The following OR10A7 variants were observed in gnomAD, a reference collection of about 807,000 sequenced individuals.
OR10A7 encodes olfactory receptor 10A7.
For synonymous variants in OR10A7, 151 were observed against 137.2 expected, an observed-to-expected ratio of 1.10 and a Z score of -0.70; for missense variants, 434 against 383.6, an observed-to-expected ratio of 1.13 and a Z score of -1.10.
chr12:55,221,780 C>G lies in OR10A7; in HGVS notation c.756C>G (p.Tyr252Ter), dbSNP rs144769420. Reference sequence around the variant, plus strand: ...ACCTCATTGTGGTGTCCCTCTTCTACGGAACAGCCAGTCTGACCTACCTGC... The same window carrying G: ...ACCTCATTGTGGTGTCCCTCTTCTAGGGAACAGCCAGTCTGACCTACCTGC... Reference protein sequence around the residue: ...SSHLIVVSLFYGTASLTYLRP... With the variant: ...SSHLIVVSLF Residue 252 changes from tyrosine to a stop codon, truncating the protein, a stop_gained, in exon 1 of 1, where the codon TAC becomes TAG. Transcript: ENST00000326258. LOFTEE classifies it low-confidence loss of function (END_TRUNC). 2 of 1,613,796 alleles carry G rather than the reference C, an allele frequency of 1.2e-6. No individual in the cohort carries two copies. The highest frequency in any genetic ancestry group is 1.7e-6 in the Non-Finnish European group (2 of 1,179,870).
rs373891967 is a variant in OR10A7 at position 55,221,204 on chromosome 12, C to T, written c.180C>T (p.Tyr60=). 5.3e-6 allele frequency: 8 copies of T among 1,504,930 alleles called. No individual in the cohort carries two copies. In the African/African-American group the frequency reaches 8.3e-5, roughly 16 times the overall value. The allele number at this position is 1,504,930 out of a possible 1,614,324, so 93.2% of individuals were successfully genotyped here. A position where few individuals can be genotyped will look rare whatever the true frequency, so the allele number is the denominator to read the frequency against. ...SVDLALQTPM[Y]FFLQNLSLLE... ...ATCTCGCACTTCAAACACCCATGTA[C>T]TTCTTTCTTCAAAATCTGTCACTTC... The change falls in exon 1 of 1, where the codon TAC becomes TAT. Residue 60 remains tyrosine, a synonymous_variant. Coordinates refer to ENST00000326258, the MANE Select transcript of OR10A7 (RefSeq NM_001005280.1).
Position 55,221,088 on chromosome 12 carries a change from G to A in OR10A7, c.64G>A (p.Glu22Lys), listed in dbSNP as rs765788350. The change falls in exon 1 of 1, where the codon GAG becomes AAG. Residue 22 changes from glutamate (E) to lysine (K), a missense_variant. Glu to Lys is a moderately conservative substitution (Grantham distance 56). Coordinates refer to ENST00000326258, the MANE Select transcript of OR10A7 (RefSeq NM_001005280.1). ...TCTTCTTGGTTTTACAAACAACCCC[G>A]AGATGCAAGTTTCCCTCTTTATTTT... ...FILLGFTNNP[E>K]MQVSLFIFFL... 18 of 1,613,668 alleles carry A rather than the reference G, an allele frequency of 1.1e-5. No homozygotes were observed. The highest frequency in any genetic ancestry group is 3.3e-5 in the South Asian group (3 of 91,078).
rs777368403 is a variant in OR10A7, at chr12:55,221,632, C to T, written c.608C>T (p.Thr203Ile). 1.9e-6 allele frequency: 3 copies of T among 1,613,806 alleles called. No homozygotes were observed. The highest frequency in any genetic ancestry group is 1.3e-5 in the African/African-American group (1 of 75,024). Reference sequence around the variant, plus strand: ...TATGAAATGCAAGCACTTGCCTCCACACTCCTGTTTATCATGTTTCCCTTT... The same window carrying T: ...TATGAAATGCAAGCACTTGCCTCCATACTCCTGTTTATCATGTTTCCCTTT... The part of the protein sequence containing the change: ...TMYEMQALAS[T>I]LLFIMFPFCL... The change falls in exon 1 of 1, where the codon ACA (threonine) becomes ATA (isoleucine). Residue 203 changes from threonine (T) to isoleucine (I), a missense_variant. Coordinates refer to ENST00000326258, the MANE Select transcript of OR10A7 (RefSeq NM_001005280.1).
rs1954119247 is a variant in OR10A7, at chr12:55,221,678, C to T, written c.654C>T (p.Tyr218=). ...MFPFCLILVS[Y]TRIIITILRM... ...CCTTTTGTCTCATTTTGGTTTCCTACACCCGCATTATCATAACAATTCTGA... is the reference window on the plus strand; with the variant it reads ...CCTTTTGTCTCATTTTGGTTTCCTATACCCGCATTATCATAACAATTCTGA... Residue 218 remains tyrosine (Y), a synonymous_variant, in exon 1 of 1, where the codon TAC becomes TAT. Transcript: ENST00000326258. 2.5e-6 allele frequency: 4 copies of T among 1,613,710 alleles called. No individual in the cohort carries two copies. Among genetic ancestry groups the T allele is most frequent in the Non-Finnish European group, 3.4e-6 (4 of 1,179,874 alleles).
rs1954121304 is a variant in OR10A7, at chr12:55,221,882, C to A, written c.858C>A (p.Asn286Lys). 6.2e-7 allele frequency: 1 copy of A among 1,613,584 alleles called. No homozygotes were observed. Among genetic ancestry groups the A allele is most frequent in the Non-Finnish European group, 8.5e-7 (1 of 1,179,724 alleles). The change falls in exon 1 of 1, where the codon AAC becomes AAA. Residue 286 changes from asparagine to lysine, a missense_variant. Coordinates refer to ENST00000326258, the MANE Select transcript of OR10A7 (RefSeq NM_001005280.1). ...LSYTVITPML[N>K]PIIYGLRNNE... Reference sequence around the variant, plus strand: ...ACACTGTCATCACACCTATGCTAAACCCCATCATCTACGGCCTGAGGAACA... The same window carrying A: ...ACACTGTCATCACACCTATGCTAAAACCCATCATCTACGGCCTGAGGAACA...
Position 55,221,647 on chromosome 12 carries a change from T to C in OR10A7, c.623T>C (p.Met208Thr). 2 of 1,613,860 alleles carry C rather than the reference T, an allele frequency of 1.2e-6. No homozygotes were observed. The highest frequency in any genetic ancestry group is 1.7e-6 in the Non-Finnish European group (2 of 1,179,870). ...QALASTLLFI[M>T]FPFCLILVSY... ...CTTGCCTCCACACTCCTGTTTATCA[T>C]GTTTCCCTTTTGTCTCATTTTGGTT... The change falls in exon 1 of 1, where the codon ATG becomes ACG. Residue 208 changes from methionine (M) to threonine (T), a missense_variant. Transcript: ENST00000326258.
At position 55,221,207 on chromosome 12, in the gene OR10A7, CT is replaced by C. The variant is rs1455968014; in HGVS notation, c.186del (p.Leu63PhefsTer21). On this transcript the variant is annotated frameshift_variant, in exon 1 of 1. Transcript: ENST00000326258. LOFTEE classifies it low-confidence loss of function (END_TRUNC). ...DLALQTPMYF[F>X]LQNLSLLEVC... ...TCGCACTTCAAACACCCATGTACTT[CT>C]TTCTTCAAAATCTGTCACTTCTTGA... is the stretch of plus-strand genomic sequence containing the variant. 2.0e-6 allele frequency: 3 copies of C among 1,533,244 alleles called. No homozygotes were observed. The highest frequency in any genetic ancestry group is 3.2e-5 in the African/African-American group (2 of 63,444). 95.0% of individuals were successfully genotyped at this position (1,533,244 alleles called of 1,614,324 possible). A position where few individuals can be genotyped will look rare whatever the true frequency, so the allele number is the denominator to read the frequency against.
chr12:55,221,445 T>G lies in OR10A7; in HGVS notation c.421T>G (p.Cys141Gly), dbSNP rs151030005. The change falls in exon 1 of 1, where the codon TGC becomes GGC. Residue 141 changes from cysteine to glycine, a missense_variant. Physicochemically the swap from Cys to Gly is radical, Grantham distance 159. Coordinates refer to ENST00000326258, the MANE Select transcript of OR10A7 (RefSeq NM_001005280.1). ...TTCAGTCATAATGAACAGGTCCCTATGCTTGTGGATGGCCATAGGCTCTTG... is the reference window on the plus strand; with the variant it reads ...TTCAGTCATAATGAACAGGTCCCTAGGCTTGTGGATGGCCATAGGCTCTTG... ...HYSVIMNRSL[C>G]LWMAIGSWMS... 5 of 1,613,758 alleles carry G rather than the reference T, an allele frequency of 3.1e-6. No homozygotes were observed. The highest frequency in any genetic ancestry group is 4.2e-6 in the Non-Finnish European group (5 of 1,179,900).
rs543605255 is a variant in OR10A7, at chr12:55,221,031, T to C, written c.7T>C (p.Cys3Arg). 3.1e-6 allele frequency: 5 copies of C among 1,596,716 alleles called. No individual in the cohort carries two copies. The Admixed American group carries it at 8.4e-5, about 27-fold the overall frequency. The change falls in exon 1 of 1, where the codon TGT (cysteine) becomes CGT (arginine). Residue 3 changes from cysteine (C) to arginine (R), a missense_variant. Physicochemically the swap from Cys to Arg is radical, Grantham distance 180. Coordinates refer to ENST00000326258, the MANE Select transcript of OR10A7 (RefSeq NM_001005280.1). MI[C>R]ENHTRVTEFI... ...AGAGAAACTCATCTAAGATATGATC[T>C]GTGAAAATCACACCAGAGTCACTGA... is the stretch of plus-strand genomic sequence containing the variant.
Position 55,221,906 on chromosome 12 carries a change from C to A in OR10A7, c.882C>A (p.Asn294Lys), listed in dbSNP as rs1954121513. The A allele has an allele frequency of 6.2e-7, 1 of 1,612,950 alleles. No individual in the cohort carries two copies. The highest frequency in any genetic ancestry group is 1.3e-5 in the African/African-American group (1 of 74,884). ...ACCCCATCATCTACGGCCTGAGGAA[C>A]AATGAAGTGAAAGGGGCTGTCAAGA... ...MLNPIIYGLR[N>K]NEVKGAVKRT... The change falls in exon 1 of 1, where the codon AAC (asparagine) becomes AAA (lysine). Residue 294 changes from asparagine to lysine, a missense_variant. Transcript: ENST00000326258.
chr12:55,221,424 G>T lies in OR10A7; in HGVS notation c.400G>T (p.Val134Phe). The change falls in exon 1 of 1, where the codon GTC becomes TTC. Residue 134 changes from valine to phenylalanine, a missense_variant. Physicochemically the swap from Val to Phe is conservative, Grantham distance 50. Coordinates refer to ENST00000326258, the MANE Select transcript of OR10A7 (RefSeq NM_001005280.1). ...CATCTGTAACCCTCTCCATTATTCA[G>T]TCATAATGAACAGGTCCCTATGCTT... ...VAICNPLHYS[V>F]IMNRSLCLWM... The T allele has an allele frequency of 6.2e-7, 1 of 1,613,700 alleles. No individual in the cohort carries two copies. The highest frequency in any genetic ancestry group is 8.5e-7 in the Non-Finnish European group (1 of 1,179,826).
chr12:55,221,150 C>T lies in OR10A7; in HGVS notation c.126C>T (p.Asn42=). 6.2e-7 allele frequency: 1 copy of T among 1,613,752 alleles called. No individual in the cohort carries two copies. The highest frequency in any genetic ancestry group is 8.5e-7 in the Non-Finnish European group (1 of 1,179,786). Residue 42 remains asparagine (N), a synonymous_variant, in exon 1 of 1, where the codon AAC becomes AAT. Transcript: ENST00000326258. ...LAIYTVTLLG[N]FLIVTVTSVD... ...TTTATACAGTCACTTTGTTGGGCAA[C>T]TTTCTTATTGTCACAGTTACCAGTG... is the stretch of plus-strand genomic sequence containing the variant.
At position 55,221,704 on chromosome 12, in the gene OR10A7, G is replaced by A. The variant is rs771876960; in HGVS notation, c.680G>A (p.Arg227Lys). The change falls in exon 1 of 1, where the codon AGG (arginine) becomes AAG (lysine). Residue 227 changes from arginine (R) to lysine (K), a missense_variant. By Grantham distance (26) the Arg-to-Lys change is conservative (BLOSUM62 2). Transcript: ENST00000326258. ...ACCCGCATTATCATAACAATTCTGA[G>A]GATGTCCTCTGCCACTGGCCGCCAG... is the stretch of plus-strand genomic sequence containing the variant. Reference protein sequence around the residue: ...SYTRIIITILRMSSATGRQKA... With the variant: ...SYTRIIITILKMSSATGRQKA... 3.1e-6 allele frequency: 5 copies of A among 1,613,750 alleles called. No individual in the cohort carries two copies. The highest frequency in any genetic ancestry group is 3.4e-6 in the Non-Finnish European group (4 of 1,179,866).
Position 55,221,223 on chromosome 12 carries a change from T to C in OR10A7, c.199T>C (p.Ser67Pro). 6.2e-7 allele frequency: 1 copy of C among 1,613,992 alleles called. No individual in the cohort carries two copies. The highest frequency in any genetic ancestry group is 8.5e-7 in the Non-Finnish European group (1 of 1,179,892). ...CATGTACTTCTTTCTTCAAAATCTG[T>C]CACTTCTTGAAGTATGTTTCACCTT... is the stretch of plus-strand genomic sequence containing the variant. ...TPMYFFLQNL[S>P]LLEVCFTLVM... The change falls in exon 1 of 1, where the codon TCA becomes CCA. Residue 67 changes from serine (S) to proline (P), a missense_variant. Physicochemically the swap from Ser to Pro is moderately conservative, Grantham distance 74. Coordinates refer to ENST00000326258, the MANE Select transcript of OR10A7 (RefSeq NM_001005280.1).
rs373553899 is a variant in OR10A7 at position 55,221,625 on chromosome 12, G to T, written c.601G>T (p.Ala201Ser). The part of the protein sequence containing the change: ...DTTMYEMQAL[A>S]STLLFIMFPF... ...AACCATGTATGAAATGCAAGCACTTGCCTCCACACTCCTGTTTATCATGTT... is the reference window on the plus strand; with the variant it reads ...AACCATGTATGAAATGCAAGCACTTTCCTCCACACTCCTGTTTATCATGTT... Residue 201 changes from alanine (A) to serine (S), a missense_variant, in exon 1 of 1, where the codon GCC becomes TCC. By Grantham distance (99) the Ala-to-Ser change is moderately conservative. Transcript: ENST00000326258. The T allele has an allele frequency of 1.9e-6, 3 of 1,613,630 alleles. No homozygotes were observed. In the African/African-American group the frequency reaches 4.0e-5, roughly 22 times the overall value.
In OR10A7 at chr12:55,221,787, GC is replaced by G; in HGVS notation, c.765del (p.Ser256ValfsTer2). On this transcript the variant is annotated frameshift_variant, in exon 1 of 1. Coordinates refer to ENST00000326258, the MANE Select transcript of OR10A7 (RefSeq NM_001005280.1). LOFTEE classifies it low-confidence loss of function (END_TRUNC). ...TGTGGTGTCCCTCTTCTACGGAACA[GC>G]CAGTCTGACCTACCTGCGGCCCAAA... ...LIVVSLFYGTASLTYLRPKSN... is the reference protein window; with the variant it reads ...LIVVSLFYGTXSLTYLRPKSN... The G allele has an allele frequency of 6.2e-7, 1 of 1,613,822 alleles. No homozygotes were observed. Among genetic ancestry groups the G allele is most frequent in the Non-Finnish European group, 8.5e-7 (1 of 1,179,884 alleles).
At position 55,221,637 on chromosome 12, in the gene OR10A7, C is replaced by T. The variant is rs771583926; in HGVS notation, c.613C>T (p.Leu205=). 2 of 1,613,796 alleles carry T rather than the reference C, an allele frequency of 1.2e-6. No homozygotes were observed. The highest frequency in any genetic ancestry group is 1.7e-6 in the Non-Finnish European group (2 of 1,179,834). Residue 205 remains leucine (L), a synonymous_variant, in exon 1 of 1, where the codon CTG becomes TTG. Transcript: ENST00000326258. The part of the protein sequence containing the change: ...YEMQALASTL[L]FIMFPFCLIL... ...AATGCAAGCACTTGCCTCCACACTCCTGTTTATCATGTTTCCCTTTTGTCT... is the reference window on the plus strand; with the variant it reads ...AATGCAAGCACTTGCCTCCACACTCTTGTTTATCATGTTTCCCTTTTGTCT...
rs570630822 is a variant in OR10A7 at position 55,221,599 on chromosome 12, C to T, written c.575C>T (p.Thr192Ile). 1.2e-6 allele frequency: 2 copies of T among 1,613,708 alleles called. No homozygotes were observed. Among genetic ancestry groups the T allele is most frequent in the South Asian group, 1.1e-5 (1 of 91,078 alleles). ...GTGTTAAAACTAGTCACAGTGGATA[C>T]AACCATGTATGAAATGCAAGCACTT... ...PPVLKLVTVD[T>I]TMYEMQALAS... is the part of the protein sequence containing the mutation. Residue 192 changes from threonine (T) to isoleucine (I), a missense_variant, in exon 1 of 1, where the codon ACA (threonine) becomes ATA (isoleucine). Coordinates refer to ENST00000326258, the MANE Select transcript of OR10A7 (RefSeq NM_001005280.1).
In OR10A7 at chr12:55,221,247, T is replaced by G; in HGVS notation, c.223T>G (p.Leu75Val). 6.2e-7 allele frequency: 1 copy of G among 1,613,914 alleles called. No individual in the cohort carries two copies. The highest frequency in any genetic ancestry group is 8.5e-7 in the Non-Finnish European group (1 of 1,179,882). The change falls in exon 1 of 1, where the codon TTG becomes GTG. Residue 75 changes from leucine (L) to valine (V), a missense_variant. Leu to Val is a conservative substitution (Grantham distance 32). Transcript: ENST00000326258. Reference protein sequence around the residue: ...NLSLLEVCFTLVMVPKMLVDL... With the variant: ...NLSLLEVCFTVVMVPKMLVDL... ...GTCACTTCTTGAAGTATGTTTCACCTTGGTTATGGTGCCAAAAATGCTTGT... is the reference window on the plus strand; with the variant it reads ...GTCACTTCTTGAAGTATGTTTCACCGTGGTTATGGTGCCAAAAATGCTTGT...
Sources: gnomAD v4.1 joint callset for allele counts on GRCh38, gnomAD v4.1.1 for gene constraint, MANE v1.5 for transcripts, NCBI Gene and HGNC (gene_info 2026-07-23, HGNC 2026-07-21) for gene names.